EIPR1: variants seen among roughly 807,000 people sequenced by gnomAD.
EIPR1 encodes EARP and GARP complex-interacting protein 1.
Under a neutral mutation model 48.1 loss-of-function variants are expected in EIPR1, and 25 were observed. The ratio of observed to expected loss-of-function variants is 0.52; its 90% confidence interval spans 0.38 to 0.73. EIPR1 has a LOEUF of 0.73. Ranked by LOEUF, EIPR1 falls within the 30% of genes least tolerant of loss-of-function variation. EIPR1 has a pLI of 0.00. For synonymous variants in EIPR1, 204 were observed against 201.9 expected (o/e 1.01, Z -0.09); for missense variants, 415 against 506.2 (o/e 0.82, Z 1.73).
Position 3,189,948 on chromosome 2 carries a change from G to A in EIPR1, c.990-440C>T, listed in dbSNP as rs908719242. Among the ~76,000 whole-genome samples the A allele has an allele frequency of 7.2e-5, 11 of 152,142 alleles. No individual in the cohort carries two copies. Among genetic ancestry groups the A allele is most frequent in the African/African-American group, 2.2e-4 (9 of 41,444 alleles). On this transcript the variant is annotated intron_variant, in intron 8 of 8. Transcript: ENST00000382125. This position sits in a 1 kb window ranked among gnomAD's most constrained non-coding sequence, Gnocchi z 4.6. ...AGCAGAAAGGACCCTGGGAAGCAGC[G>A]GGTCCAGCTCCTGGCTGTGTAGGAG...
At chr2:3,337,446 T>G (rs1670101289) in intron 3 of EIPR1, among the ~76,000 whole-genome samples, 1 of 152,074 alleles carries the variant, frequency 6.6e-6, no homozygotes, top group Non-Finnish European at 1.5e-5. Flanking sequence ...GAGCCAGAAT[T>G]TAGAAAGTAC....
intron 2 of EIPR1, among the ~76,000 whole-genome samples, chr2:3,343,165 C>T (rs1019041460): frequency 1.3e-5 from 2 of 152,194 alleles, no homozygotes; most frequent in Non-Finnish European, 2.9e-5. Flanking sequence ...CGAGCTCTGC[C>T]GCCCCGCCAC....
intron 2 of EIPR1, among the ~76,000 whole-genome samples, chr2:3,351,423 C>T (rs1670575601): frequency 6.6e-6 from 1 of 152,222 alleles, no homozygotes; most frequent in South Asian, 2.1e-4. Context: ...TTACTCATAA[C>T]TATCATGCTT....
At chr2:3,266,997 A>G (rs1190724484) in intron 3 of EIPR1, among the ~76,000 whole-genome samples, 4 of 152,156 alleles carry the variant, frequency 2.6e-5, no homozygotes, top group Non-Finnish European at 4.4e-5. Context: ...TGGCTATTTT[A>G]TAGGAGAGCT....
chr2:3,285,327 A>ACCCCCC (rs1668148423), intron 3 of EIPR1, among the ~76,000 whole-genome samples: 1 of 43,476 alleles, frequency 2.3e-5, no homozygotes, highest in African/African-American at 8.4e-5. Context: ...CCACCCCCCC[A>ACCCCCC]CCCCCACCCC....
intron 1 of EIPR1, among the ~76,000 whole-genome samples, chr2:3,371,740 G>T (rs1483919360): frequency 2.0e-5 from 3 of 152,088 alleles, no homozygotes; most frequent in Non-Finnish European, 2.9e-5. Context: ...AGTAAGTCCT[G>T]AGTGACCTAC....
chr2:3,340,570 G>C (rs1055255096), intron 2 of EIPR1, among the ~76,000 whole-genome samples: 7 of 152,194 alleles, frequency 4.6e-5, no homozygotes, highest in African/African-American at 1.7e-4. Context: ...CTTATGAACA[G>C]TTTTTTCCTC....
chr2:3,276,311 TC>T (rs754238982), intron 3 of EIPR1, among the ~76,000 whole-genome samples: 43 of 152,258 alleles, frequency 2.8e-4, no homozygotes, highest in Non-Finnish European at 5.4e-4. Context: ...AATATTCATC[TC>T]CAGACAGAGA....
intron 3 of EIPR1, among the ~76,000 whole-genome samples, chr2:3,292,970 C>T (rs147875746): frequency 3.3e-5 from 5 of 152,012 alleles, no homozygotes; most frequent in African/African-American, 9.7e-5. Flanking sequence ...CCACATTAAA[C>T]GAAATAAGCC....
chr2:3,215,584 T>G (rs1277969023), intron 4 of EIPR1, among the ~76,000 whole-genome samples: 1 of 152,250 alleles, frequency 6.6e-6, no homozygotes, highest in Non-Finnish European at 1.5e-5. Flanking sequence ...AATATGGATG[T>G]CTGTTTTCTC....
intron 4 of EIPR1, among the ~76,000 whole-genome samples, chr2:3,228,633 C>G (rs1441121855): frequency 6.6e-6 from 1 of 152,048 alleles, no homozygotes; most frequent in Non-Finnish European, 1.5e-5. Flanking sequence ...TGGCTGTGTC[C>G]CCACCCAAAT....
Position 3,377,465 on chromosome 2 carries a change from T to G in EIPR1, c.42+183A>C, listed in dbSNP as rs1195284532. The stretch of plus-strand genomic sequence containing the variant: ...GGCAGGCCGGCTGTGGCCAACCCTG[T>G]TATCCAGTACAACCGTTTAACCTCC... On this transcript the variant is annotated intron_variant, in intron 1 of 8. Coordinates refer to ENST00000382125, the MANE Select transcript of EIPR1 (RefSeq NM_003310.5). 4.5e-6 allele frequency: 3 copies of G among 660,598 alleles called. No individual in the cohort carries two copies. The East Asian group carries it at 9.5e-5, about 21-fold the overall frequency. 40.9% of individuals were successfully genotyped at this position (660,598 alleles called of 1,614,324 possible).
intron 3 of EIPR1, among the ~76,000 whole-genome samples, chr2:3,329,395 C>A (rs1669818033): frequency 6.6e-6 from 1 of 150,768 alleles, no homozygotes; most frequent in African/African-American, 2.4e-5. Flanking sequence ...ACCTACCACA[C>A]TCTAATGATC....
intron 1 of EIPR1, among the ~76,000 whole-genome samples, chr2:3,356,112 G>A (rs976560158): frequency 2.0e-5 from 3 of 152,240 alleles, no homozygotes; most frequent in Non-Finnish European, 4.4e-5. Context: ...AATCCAATGG[G>A]GAGCTCTGGA....
At chr2:3,352,569 C>T (rs1670611572) in intron 2 of EIPR1, among the ~76,000 whole-genome samples, 1 of 152,240 alleles carries the variant, frequency 6.6e-6, no homozygotes, top group Non-Finnish European at 1.5e-5. Flanking sequence ...CCAGATCACC[C>T]AAAACAGATA....
chr2:3,353,471 G>T, intron 2 of EIPR1: 3 of 353,798 alleles, frequency 8.5e-6, no homozygotes, highest in Non-Finnish European at 1.7e-5. Context: ...GTGTAATAAG[G>T]GAATACTATT....
chr2:3,354,050 G>T (rs761517051), intron 2 of EIPR1, among the ~76,000 whole-genome samples: 1 of 152,128 alleles, frequency 6.6e-6, no homozygotes. Flanking sequence ...GCCATGAACC[G>T]AATCCGATCT....
At chr2:3,274,994 A>AC (rs373165585) in intron 3 of EIPR1, among the ~76,000 whole-genome samples, 1 of 151,924 alleles carries the variant, frequency 6.6e-6, no homozygotes, top group Non-Finnish European at 1.5e-5. Context: ...AAGGACCAAA[A>AC]CCCCCCAAAA....
intron 3 of EIPR1, among the ~76,000 whole-genome samples, chr2:3,310,478 C>A (rs1669092707): frequency 7.2e-6 from 1 of 138,684 alleles, no homozygotes; most frequent in Non-Finnish European, 1.5e-5. Context: ...ACGGTGAAAC[C>A]CCGTCTCTAC....
Sources: gnomAD v4.1 joint callset for allele counts (sites outside exome capture counted in the v4.1 genomes callset) on GRCh38, gnomAD v4.1.1 for gene constraint, Gnocchi (gnomAD v3.1) non-coding constraint, MANE v1.5 for transcripts, NCBI Gene and HGNC (gene_info 2026-07-23, HGNC 2026-07-21) for gene names.